The following MEI4 variants were observed in gnomAD, a reference collection of about 807,000 sequenced individuals.
The protein encoded by MEI4 is meiotic double-stranded break formation protein 4, also known as meiosis-specific protein MEI4.
In MEI4, 27 loss-of-function variants were observed where a neutral mutation model predicts 31.4. That is an observed-to-expected ratio of 0.86 (90% CI 0.63 to 1.19). The LOEUF (loss-of-function observed/expected upper bound fraction) is 1.19. Ranked by LOEUF, MEI4 falls within the 50% of genes most tolerant of loss-of-function variation. The pLI, the probability that MEI4 is intolerant of heterozygous loss-of-function variation, is 0.00. For synonymous variants in MEI4, 122 were observed against 145.4 expected, an observed-to-expected ratio of 0.84 and a Z score of 1.16; for missense variants, 329 against 398.9, an observed-to-expected ratio of 0.82 and a Z score of 1.49.
chr6:77,864,152 C>G (rs1008835850), intron 4 of MEI4, among the ~76,000 whole-genome samples: 29 of 152,154 alleles, frequency 1.9e-4, no homozygotes, highest in Non-Finnish European at 3.7e-4. Flanking sequence ...ACCATCGAGG[C>G]TAGGAAGTAA....
intron 2 of MEI4, among the ~76,000 whole-genome samples, chr6:77,726,733 T>G (rs1377765063): frequency 6.6e-6 from 1 of 152,076 alleles, no homozygotes. Flanking sequence ...TAGGAGAAGA[T>G]AGGTGTATTC....
At chr6:77,695,245 T>C (rs1201264858) in intron 2 of MEI4, among the ~76,000 whole-genome samples, 2 of 152,108 alleles carry the variant, frequency 1.3e-5, no homozygotes, top group Non-Finnish European at 2.9e-5. Flanking sequence ...TTTCTTTTGC[T>C]GTGCAGAAGC....
At chr6:77,729,587 G>A (rs1766917885) in intron 2 of MEI4, among the ~76,000 whole-genome samples, 1 of 152,168 alleles carries the variant, frequency 6.6e-6, no homozygotes, top group Admixed American at 6.5e-5. Context: ...CAAGAAACAG[G>A]TAATGCAGGC....
chr6:77,673,863 G>T (rs1293933783), intron 1 of MEI4, among the ~76,000 whole-genome samples: 3 of 152,142 alleles, frequency 2.0e-5, no homozygotes, highest in Non-Finnish European at 4.4e-5. Context: ...CTGATATGGT[G>T]CCTTGCTTAG....
intron 4 of MEI4, among the ~76,000 whole-genome samples, chr6:77,864,060 T>C (rs1223559793): frequency 6.6e-6 from 1 of 152,128 alleles, no homozygotes; most frequent in African/African-American, 2.4e-5. Context: ...AGGCCTGCCC[T>C]AAAAGAGCTC....
intron 1 of MEI4, among the ~76,000 whole-genome samples, chr6:77,683,222 T>G (rs1255977802): frequency 1.3e-5 from 2 of 152,178 alleles, no homozygotes; most frequent in African/African-American, 4.8e-5. Flanking sequence ...TCATTTTGCT[T>G]TTTTTAATTA....
chr6:77,713,875 G>C (rs35246438), intron 2 of MEI4, among the ~76,000 whole-genome samples: 10,566 of 152,176 alleles, frequency 0.069, 554 homozygotes, highest in Non-Finnish European at 0.11. Context: ...CCCCGTAATA[G>C]GTTGTCTGCC....
chr6:77,757,492 A>G (rs1172645802), intron 2 of MEI4, among the ~76,000 whole-genome samples: 2 of 152,150 alleles, frequency 1.3e-5, no homozygotes, highest in Non-Finnish European at 2.9e-5. Context: ...TGGTAGAGGT[A>G]CTCTTTCAAA....
chr6:77,711,913 A>C (rs1171813151), intron 2 of MEI4, among the ~76,000 whole-genome samples: 1 of 152,204 alleles, frequency 6.6e-6, no homozygotes, highest in Non-Finnish European at 1.5e-5. Context: ...ACTCCTTATG[A>C]TAGTACCATG....
chr6:77,681,892 A>G (rs1164648285), intron 1 of MEI4, among the ~76,000 whole-genome samples: 1 of 152,194 alleles, frequency 6.6e-6, no homozygotes, highest in East Asian at 1.9e-4. Flanking sequence ...CTTAATAATA[A>G]AAGTAGAAAA....
chr6:77,765,438 T>G (rs1056676165), intron 3 of MEI4, among the ~76,000 whole-genome samples: 1 of 151,884 alleles, frequency 6.6e-6, no homozygotes, highest in African/African-American at 2.4e-5. Flanking sequence ...TATTATACTT[T>G]AAGTTTTAGG....
At chr6:77,791,370 T>C (rs1274154434) in intron 3 of MEI4, among the ~76,000 whole-genome samples, 1 of 151,726 alleles carries the variant, frequency 6.6e-6, no homozygotes, top group Admixed American at 6.6e-5. Context: ...GATGAGTTCA[T>C]GTCCTTTGTA....
intron 2 of MEI4, among the ~76,000 whole-genome samples, chr6:77,731,746 G>T (rs1028087294): frequency 6.6e-6 from 1 of 151,582 alleles, no homozygotes; most frequent in Non-Finnish European, 1.5e-5. Context: ...TTCTTCTAGG[G>T]TTTTTATGGT....
chr6:77,786,409 G>A (rs115133522), intron 3 of MEI4, among the ~76,000 whole-genome samples: 1,574 of 152,164 alleles, frequency 0.01, 28 homozygotes, highest in African/African-American at 0.036. Context: ...AGGAATCTAA[G>A]TGGGGATCAT....
rs77267532 is a variant in MEI4 at position 77,709,576 on chromosome 6, T to C, written c.232+18673T>C. Among the ~76,000 whole-genome samples, 1,348 of 152,322 alleles carry C rather than the reference T, an allele frequency of 8.8e-3. 14 individuals carry two copies. The highest frequency in any genetic ancestry group is 0.03 in the African/African-American group (1,250 of 41,560). The stretch of plus-strand genomic sequence containing the variant: ...GTAAAAATAATGCTTCTGATCCTTA[T>C]ACATACTTTTTATAGTACTTGAACT... On this transcript the variant is annotated intron_variant, in intron 2 of 4. Coordinates refer to ENST00000684080, the MANE Select transcript of MEI4 (RefSeq NM_001322247.2).
rs184987037 is a variant in MEI4 at position 77,733,957 on chromosome 6, C to A, written c.233-27173C>A. On this transcript the variant is annotated intron_variant, in intron 2 of 4. Transcript: ENST00000684080. ...GTGGTTTTGAGTGAGATTCTTATTC[C>A]TGAGTTCTAGTTTGATTGCACTGTG... 1.8e-3 allele frequency among the ~76,000 whole-genome samples: 278 copies of A among 152,086 alleles called. 5 individuals are homozygous for A. Among genetic ancestry groups the A allele is most frequent in the African/African-American group, 6.0e-3 (250 of 41,414 alleles).
intron 2 of MEI4, among the ~76,000 whole-genome samples, chr6:77,727,349 T>C (rs1006351973): frequency 1.3e-5 from 2 of 152,216 alleles, no homozygotes; most frequent in African/African-American, 2.4e-5. Flanking sequence ...AAGTGAAGAT[T>C]AAAGGGGATT....
rs545243930 is a variant in MEI4, at chr6:77,849,527, C to A, written c.900+20465C>A. On this transcript the variant is annotated intron_variant, in intron 4 of 4. Transcript: ENST00000684080. ...CTTCCCTTGGAGATAACAATTTTAACTGTAAGTTATGGTTCATGGCATTTT... is the reference window on the plus strand; with the variant it reads ...CTTCCCTTGGAGATAACAATTTTAAATGTAAGTTATGGTTCATGGCATTTT... 5.3e-5 allele frequency among the ~76,000 whole-genome samples: 8 copies of A among 152,258 alleles called. No homozygotes were observed. In the East Asian group the frequency reaches 7.7e-4, roughly 15 times the overall value.
intron 3 of MEI4, among the ~76,000 whole-genome samples, chr6:77,767,252 C>T (rs751809018): frequency 4.2e-4 from 64 of 151,932 alleles, no homozygotes; most frequent in South Asian, 8.3e-4. Context: ...TGGTGGTGTG[C>T]GCCTGTAGTC....
Sources: gnomAD v4.1 joint callset for allele counts (sites outside exome capture counted in the v4.1 genomes callset) on GRCh38, gnomAD v4.1.1 for gene constraint, MANE v1.5 for transcripts, NCBI Gene and HGNC (gene_info 2026-07-23, HGNC 2026-07-21) for gene names.